The following TTC16 variants were observed in gnomAD, a reference collection of about 807,000 sequenced individuals.
The protein encoded by TTC16 is tetratricopeptide repeat domain 16.
TTC16 carries 66 observed loss-of-function variants against 80.4 expected under a neutral mutation model. That is an observed-to-expected ratio of 0.82 (90% CI 0.67 to 1.01). The LOEUF (loss-of-function observed/expected upper bound fraction) is 1.01, where lower values mean the gene tolerates loss of function less well. TTC16 is among the 50% of genes least tolerant of loss of function. The probability of loss-of-function intolerance (pLI) is 0.00; values close to 1 mark genes in which losing one functional copy is unlikely to be tolerated. For synonymous variants in TTC16, 438 were observed against 451.3 expected, an observed-to-expected ratio of 0.97 and a Z score of 0.37; for missense variants, 1,070 against 1,103.2, an observed-to-expected ratio of 0.97 and a Z score of 0.43.
chr9:127,731,125 G>A lies in TTC16; in HGVS notation c.2342G>A (p.Arg781Gln), dbSNP rs770760043. 80 of 1,610,780 alleles carry A rather than the reference G, an allele frequency of 5.0e-5. No homozygotes were observed. The highest frequency in any genetic ancestry group is 4.3e-4 in the South Asian group (39 of 90,878). ...RPRKVKAARG[R>Q]SWRPSKVDAT... is the part of the protein sequence containing the mutation. ...AGAAAGGTCAAGGCTGCTCGTGGCC[G>A]GAGCTGGAGACCCAGCAAGGTTGAT... Residue 781 changes from arginine to glutamine, a missense_variant, in exon 14 of 14, where the codon CGG becomes CAG. Transcript: ENST00000373289.
intron 6 of TTC16, 67 bp downstream of exon 6, chr9:127,720,462 G>T: frequency 6.3e-7 from 1 of 1,592,128 alleles, no homozygotes; most frequent in Non-Finnish European, 8.5e-7. Flanking sequence ...CCCCAAGATT[G>T]CAGGAAGAGG....
chr9:127,720,196 C>T lies in TTC16; in HGVS notation c.527+18C>T. On this transcript the variant is annotated intron_variant, in intron 5 of 13. Coordinates refer to ENST00000373289, the MANE Select transcript of TTC16 (RefSeq NM_144965.3). ...TACCGATGGTGAGTGCCCCTGCCAG[C>T]CCCTTCTCCCAGCACCCACTTCCTG... 1.2e-6 allele frequency: 2 copies of T among 1,613,638 alleles called. No individual in the cohort carries two copies. Among genetic ancestry groups the T allele is most frequent in the Non-Finnish European group, 1.7e-6 (2 of 1,179,978 alleles).
Position 127,729,583 on chromosome 9 carries a change from G to A in TTC16, c.1767G>A (p.Glu589=). Residue 589 remains glutamate (E), a splice_region_variant and synonymous_variant, in exon 13 of 14, where the codon GAG becomes GAA. Coordinates refer to ENST00000373289, the MANE Select transcript of TTC16 (RefSeq NM_144965.3). ...ACAAAGCCTGTTTCTTGCCATAGGA[G>A]AAAAAATCAGAGCTCATACCTAGCA... ...EEEKEKEKKE[E]KKSELIPSKV... The A allele has an allele frequency of 6.2e-7, 1 of 1,613,742 alleles. No individual in the cohort carries two copies. Among genetic ancestry groups the A allele is most frequent in the Non-Finnish European group, 8.5e-7 (1 of 1,179,960 alleles).
intron 12 of TTC16, 34 bp downstream of exon 12, chr9:127,727,499 TG>T (rs1469306709): frequency 2.8e-5 from 44 of 1,548,238 alleles, no homozygotes; most frequent in Non-Finnish European, 3.7e-5. Flanking sequence ...TCGGAGCCCT[TG>T]GGGTCTGGGG....
Position 127,722,838 on chromosome 9 carries a change from C to T in TTC16, c.658-281C>T, listed in dbSNP as rs561785805. Among the ~76,000 whole-genome samples the T allele has an allele frequency of 2.0e-5, 3 of 151,992 alleles. No individual in the cohort carries two copies. Among genetic ancestry groups the T allele is most frequent in the Admixed American group, 6.6e-5 (1 of 15,256 alleles). ...CAAAAATTAGCCAGGTGTGGTGGCA[C>T]GCACCTGTAGTCCCAGCTACTCAGG... On this transcript the variant is annotated intron_variant, in intron 6 of 13. Transcript: ENST00000373289. This position sits in a 1 kb window ranked among gnomAD's most constrained non-coding sequence, Gnocchi z 4.2.
intron 6 of TTC16, 139 bp downstream of exon 6, chr9:127,720,534 G>A: frequency 1.8e-6 from 2 of 1,139,784 alleles, no homozygotes; most frequent in Non-Finnish European, 2.5e-6. Context: ...TCCTCCCTGG[G>A]AAGAGGCCCA....
In TTC16 at chr9:127,724,186, C is replaced by T. The variant is rs760800791; in HGVS notation, c.939C>T (p.Asp313=). 2 of 1,613,302 alleles carry T rather than the reference C, an allele frequency of 1.2e-6. No homozygotes were observed. Among genetic ancestry groups the T allele is most frequent in the Non-Finnish European group, 1.7e-6 (2 of 1,180,014 alleles). Residue 313 remains aspartate, a synonymous_variant, in exon 8 of 14, where the codon GAC becomes GAT. Coordinates refer to ENST00000373289, the MANE Select transcript of TTC16 (RefSeq NM_144965.3). ...GAVEDFLKVL[D]MVTEDQEDMV... ...TGGAGGACTTCCTGAAGGTGCTGGA[C>T]ATGGTGACCGAGGACCAGGAGGACA...
chr9:127,717,172 G>C (rs759854095), intron 2 of TTC16, 156 bp downstream of exon 2: 1 of 1,233,828 alleles, frequency 8.1e-7, no homozygotes, highest in Non-Finnish European at 1.2e-6. Flanking sequence ...TGATGGCCTG[G>C]CTGGACTCCA....
rs41276212 is a variant in TTC16, at chr9:127,729,374, C to G, written c.1765-207C>G. ...GCAGCTCCTTCAACACAACCGTTCT[C>G]ACGGCACCATGCCTGTCTAGCCTGG... On this transcript the variant is annotated intron_variant, in intron 12 of 13. Transcript: ENST00000373289. The G allele has an allele frequency of 4.1e-3, 2,266 of 552,894 alleles. 10 individuals carry two copies. The highest frequency in any genetic ancestry group is 6.1e-3 in the Non-Finnish European group (1,870 of 308,428). 34.2% of individuals were successfully genotyped at this position (552,894 alleles called of 1,614,324 possible).
At chr9:127,717,937 G>T (rs915304840) in intron 4 of TTC16, among the ~76,000 whole-genome samples, 165 bp downstream of exon 4, 2 of 152,204 alleles carry the variant, frequency 1.3e-5, no homozygotes, top group East Asian at 3.8e-4. Flanking sequence ...TGCCAGGGTT[G>T]AGTCAAGTTT....
Position 127,726,375 on chromosome 9 carries a change from G to A in TTC16, c.1396G>A (p.Val466Ile), listed in dbSNP as rs1468587232. 1 of 1,609,496 alleles carries A rather than the reference G, an allele frequency of 6.2e-7. No homozygotes were observed. Among genetic ancestry groups the A allele is most frequent in the Admixed American group, 1.7e-5 (1 of 59,598 alleles). ...IFGARQDVAT[V>I]LLLNPKQPKL... ...TGGGGCCCGCCAGGATGTGGCCACTGTCCTGCTCCTCAACCCCAAGCAACC... is the reference window on the plus strand; with the variant it reads ...TGGGGCCCGCCAGGATGTGGCCACTATCCTGCTCCTCAACCCCAAGCAACC... Residue 466 changes from valine to isoleucine, a missense_variant, in exon 10 of 14, where the codon GTC becomes ATC. By Grantham distance (29) the Val-to-Ile change is conservative. Coordinates refer to ENST00000373289, the MANE Select transcript of TTC16 (RefSeq NM_144965.3).
chr9:127,716,375 T>G (rs1588410866), intron 1 of TTC16: 1 of 679,072 alleles, frequency 1.5e-6, no homozygotes, highest in Admixed American at 2.7e-5. Flanking sequence ...GGGTAGCTGG[T>G]GGGGAAGGTG....
intron 9 of TTC16, among the ~76,000 whole-genome samples, chr9:127,725,286 T>C (rs1006071712): frequency 3.4e-5 from 5 of 146,426 alleles, no homozygotes; most frequent in Middle Eastern, 4.2e-3. Flanking sequence ...AAAAAAAGGC[T>C]GGGCACGGTG....
At chr9:127,726,110 G>C in intron 9 of TTC16, 129 bp from the exon 10 acceptor site, 1 of 624,992 alleles carries the variant, frequency 1.6e-6, no homozygotes, top group South Asian at 3.7e-5. Flanking sequence ...GGAGAGAGAG[G>C]AGAGGGGCGT....
chr9:127,716,401 G>C (rs1390526074), intron 1 of TTC16: 1 of 616,200 alleles, frequency 1.6e-6, no homozygotes, highest in African/African-American at 1.8e-5. Flanking sequence ...ACCAAAATGG[G>C]AGAACCTGGG....
Position 127,727,644 on chromosome 9 carries a change from G to A in TTC16, c.1764+179G>A, listed in dbSNP as rs958549086. On this transcript the variant is annotated intron_variant, in intron 12 of 13. Coordinates refer to ENST00000373289, the MANE Select transcript of TTC16 (RefSeq NM_144965.3). ...TGAGATGGGGATGGTACCAGCAAGG[G>A]GTGCTCCTGACGGAGGGTGTGTGGG... The A allele has an allele frequency of 5.3e-6, 7 of 1,319,702 alleles. No individual in the cohort carries two copies. In the African/African-American group the frequency reaches 8.8e-5, roughly 17 times the overall value. The allele number at this position is 1,319,702 out of a possible 1,614,324, so 81.7% of individuals were successfully genotyped here. A position where few individuals can be genotyped will look rare whatever the true frequency, so the allele number is the denominator to read the frequency against.
Position 127,724,811 on chromosome 9 carries a change from G to C in TTC16, c.1173G>C (p.Ala391=). ...LAFAEADYQQ[A]LALSPQDEGA... ...TTGCCGAGGCGGACTACCAGCAGGC[G>C]CTGGCGCTGAGCCCTCAGGACGAGG... The change falls in exon 9 of 14, where the codon GCG becomes GCC. Residue 391 remains alanine (A), a synonymous_variant. Transcript: ENST00000373289. The C allele has an allele frequency of 6.2e-6, 10 of 1,609,246 alleles. No homozygotes were observed. The highest frequency in any genetic ancestry group is 8.5e-6 in the Non-Finnish European group (10 of 1,178,720).
Position 127,718,060 on chromosome 9 carries a change from G to C in TTC16, c.426+288G>C, listed in dbSNP as rs1843190138. On this transcript the variant is annotated intron_variant, in intron 4 of 13. Transcript: ENST00000373289. This position sits in a 1 kb window ranked among gnomAD's most constrained non-coding sequence, Gnocchi z 4.6. ...ATGTGGCAAGTGTGACTAAAGAACT[G>C]AATTTTATATCTTATTTTTATTTTA... Among the ~76,000 whole-genome samples the C allele has an allele frequency of 6.6e-6, 1 of 152,066 alleles. No individual in the cohort carries two copies. The highest frequency in any genetic ancestry group is 2.4e-5 in the African/African-American group (1 of 41,400).
chr9:127,724,381 GCA>G lies in TTC16; in HGVS notation c.1117+19_1117+20del. The stretch of plus-strand genomic sequence containing the variant: ...ACCGAGGCGGTGCGCAGCGACCAGG[GCA>G]CTGGGGAGGGGGGGTGCGGGGGAGC... On this transcript the variant is annotated intron_variant, in intron 8 of 13. Transcript: ENST00000373289. 6.2e-7 allele frequency: 1 copy of G among 1,605,808 alleles called. No individual in the cohort carries two copies. The highest frequency in any genetic ancestry group is 8.5e-7 in the Non-Finnish European group (1 of 1,175,220).
Sources: allele counts gnomAD v4.1 joint callset (sites outside exome capture counted in the v4.1 genomes callset), GRCh38; gene constraint gnomAD v4.1.1; non-coding constraint Gnocchi (gnomAD v3.1); transcripts MANE v1.5; gene names NCBI Gene and HGNC (gene_info 2026-07-23, HGNC 2026-07-21).